The following RBFOX1 variants were observed in gnomAD, a reference collection of about 807,000 sequenced individuals.
RBFOX1 encodes RNA binding fox-1 homolog 1, also known as RNA binding protein fox-1 homolog 1.
Under a neutral mutation model 57.7 loss-of-function variants are expected in RBFOX1, and 8 were observed. The observed-to-expected ratio is 0.14, with a 90% CI of 0.08 to 0.25. The LOEUF is 0.25. Among genes scored for constraint, RBFOX1 ranks in the 10% least tolerant of loss-of-function variants. The pLI, the probability that RBFOX1 is intolerant of heterozygous loss-of-function variation, is 1.00. For synonymous variants in RBFOX1, 326 were observed against 222.4 expected, an observed-to-expected ratio of 1.47 and a Z score of -4.15; for missense variants, 611 against 548.5, an observed-to-expected ratio of 1.11 and a Z score of -1.14.
chr16:7,256,287 G>C (rs189225804), intron 4 of RBFOX1, among the ~76,000 whole-genome samples: 2 of 152,178 alleles, frequency 1.3e-5, no homozygotes, highest in Non-Finnish European at 2.9e-5. Context: ...GATGAGGGGA[G>C]AGGTTAAGCC....
chr16:5,803,152 C>T (rs918642334), intron 3 of RBFOX1, among the ~76,000 whole-genome samples: 18 of 152,284 alleles, frequency 1.2e-4, no homozygotes, highest in African/African-American at 3.8e-4. Context: ...TCCCTCCCCC[C>T]ATCCAAGAAA....
At chr16:6,943,607 C>G (rs1158031786) in intron 3 of RBFOX1, among the ~76,000 whole-genome samples, 1 of 151,528 alleles carries the variant, frequency 6.6e-6, no homozygotes, top group African/African-American at 2.4e-5. Flanking sequence ...ACTTGGGAGG[C>G]TGAGGCAGGA....
chr16:6,832,926 A>G (rs190878765), intron 3 of RBFOX1, among the ~76,000 whole-genome samples: 151 of 152,290 alleles, frequency 9.9e-4, no homozygotes, highest in Non-Finnish European at 1.7e-3. Context: ...GCAGCTTTCA[A>G]TCTCTGGGGA....
At chr16:6,134,716 C>T (rs1482617244) in intron 1 of RBFOX1, among the ~76,000 whole-genome samples, 5 of 147,676 alleles carry the variant, frequency 3.4e-5, no homozygotes, top group African/African-American at 1.3e-4. Context: ...CTCACTCTGT[C>T]ACCCAGGCTG....
intron 1 of RBFOX1, among the ~76,000 whole-genome samples, chr16:5,422,227 G>C (rs1370310004): frequency 1.3e-5 from 2 of 148,246 alleles, no homozygotes; most frequent in East Asian, 4.1e-4. Context: ...AGAGGAGGGA[G>C]AGGGAGAGGG....
chr16:6,196,443 C>A (rs901430654), intron 1 of RBFOX1, among the ~76,000 whole-genome samples: 3 of 152,122 alleles, frequency 2.0e-5, no homozygotes, highest in African/African-American at 7.2e-5. Context: ...AAACGTTTAA[C>A]ACATTGCATG....
intron 3 of RBFOX1, among the ~76,000 whole-genome samples, chr16:7,030,459 G>C (rs1260091804): frequency 6.6e-6 from 1 of 152,174 alleles, no homozygotes; most frequent in Non-Finnish European, 1.5e-5. Context: ...CCTTCTGAAG[G>C]CTCTAGGGTA....
At chr16:6,248,315 T>G (rs2097581217) in intron 1 of RBFOX1, among the ~76,000 whole-genome samples, 1 of 152,100 alleles carries the variant, frequency 6.6e-6, no homozygotes, top group African/African-American at 2.4e-5. Flanking sequence ...TTTCTTTGCT[T>G]TTGGATAATG....
At chr16:6,486,842 A>C (rs1345342503) in intron 2 of RBFOX1, among the ~76,000 whole-genome samples, 4 of 152,076 alleles carry the variant, frequency 2.6e-5, no homozygotes, top group Non-Finnish European at 2.9e-5. Context: ...GGAGCAAATG[A>C]GAAGAATTTT....
intron 3 of RBFOX1, among the ~76,000 whole-genome samples, chr16:5,707,091 G>A (rs1302927336): frequency 1.3e-5 from 2 of 152,142 alleles, no homozygotes; most frequent in Middle Eastern, 3.2e-3. Context: ...GAAACACCCA[G>A]CCAGCCAAGT....
chr16:6,559,485 G>A (rs1038804316), intron 2 of RBFOX1, among the ~76,000 whole-genome samples: 1 of 152,030 alleles, frequency 6.6e-6, no homozygotes, highest in African/African-American at 2.4e-5. Context: ...CCTGAACTAT[G>A]CATTTTTTGA....
At chr16:5,571,930 CG>C (rs1279774325) in intron 2 of RBFOX1, among the ~76,000 whole-genome samples, 4 of 152,180 alleles carry the variant, frequency 2.6e-5, no homozygotes, top group Non-Finnish European at 5.9e-5. Context: ...CCACTGTGCC[CG>C]GCCCATCTTT....
intron 2 of RBFOX1, among the ~76,000 whole-genome samples, chr16:6,354,169 G>A (rs957854295): frequency 6.6e-6 from 1 of 152,040 alleles, no homozygotes; most frequent in Admixed American, 6.6e-5. Flanking sequence ...GGAGTGAGCC[G>A]AGATCATGCT....
intron 1 of RBFOX1, among the ~76,000 whole-genome samples, chr16:6,163,448 A>ATG (rs1344336489): frequency 6.6e-6 from 1 of 152,250 alleles, no homozygotes; most frequent in Non-Finnish European, 1.5e-5. Flanking sequence ...GCCCTTGGTT[A>ATG]TGCTAAATAC....
intron 1 of RBFOX1, among the ~76,000 whole-genome samples, chr16:6,047,703 C>G (rs2095509919): frequency 6.6e-6 from 1 of 152,162 alleles, no homozygotes; most frequent in Non-Finnish European, 1.5e-5. Flanking sequence ...GCTGATTTAG[C>G]TACCATGACA....
chr16:5,952,430 C>T (rs890242769), intron 4 of RBFOX1, among the ~76,000 whole-genome samples: 1 of 152,052 alleles, frequency 6.6e-6, no homozygotes, highest in Admixed American at 6.6e-5. Flanking sequence ...GGATTATAGT[C>T]GTGTGCCACC....
intron 2 of RBFOX1, among the ~76,000 whole-genome samples, chr16:6,546,714 G>C (rs905576098): frequency 2.0e-5 from 3 of 152,100 alleles, no homozygotes; most frequent in African/African-American, 7.2e-5. Flanking sequence ...ACATTACCAG[G>C]TACCTGAGGT....
chr16:6,894,156 A>G (rs556514585), intron 3 of RBFOX1, among the ~76,000 whole-genome samples: 1 of 152,322 alleles, frequency 6.6e-6, no homozygotes, highest in South Asian at 2.1e-4. Context: ...TATAATTGCT[A>G]CCTATCTCTT....
At chr16:6,384,453 T>C (rs2092097313) in intron 2 of RBFOX1, among the ~76,000 whole-genome samples, 1 of 152,192 alleles carries the variant, frequency 6.6e-6, no homozygotes, top group African/African-American at 2.4e-5. Context: ...ATCTTTCATT[T>C]TTTTTCCCTC....
Sources: allele counts gnomAD v4.1 joint callset (sites outside exome capture counted in the v4.1 genomes callset), GRCh38; gene constraint gnomAD v4.1.1; transcripts MANE v1.5; gene names NCBI Gene and HGNC (gene_info 2026-07-23, HGNC 2026-07-21).